The following SLC38A11 variants were observed in gnomAD, a reference collection of about 807,000 sequenced individuals.
The protein encoded by SLC38A11 is putative sodium-coupled neutral amino acid transporter 11.
In SLC38A11, 51 loss-of-function variants were observed where a neutral mutation model predicts 49.4. That is an observed-to-expected ratio of 1.03 (90% CI 0.83 to 1.30). SLC38A11 has a LOEUF of 1.30. SLC38A11 is among the 50% of genes most tolerant of loss of function. The pLI is 0.00. For synonymous variants in SLC38A11, 203 were observed against 192.9 expected (o/e 1.05, Z -0.43); for missense variants, 574 against 556.2 (o/e 1.03, Z -0.32).
intron 10 of SLC38A11, 100 bp from the exon 11 acceptor site, chr2:164,908,871 A>G (rs1685207749): frequency 7.7e-7 from 1 of 1,295,462 alleles, no homozygotes; most frequent in Admixed American, 2.6e-5. Context: ...ATAAAATACT[A>G]CCAACAAGGC....
At chr2:164,953,160 G>A (rs960433064) in intron 2 of SLC38A11, 1 of 200,306 alleles carries the variant, frequency 5.0e-6, no homozygotes, top group East Asian at 1.7e-4. Context: ...CAAGAAAGCA[G>A]AGAGGATAAT....
At chr2:164,902,028 T>G (rs1684685133) in intron 11 of SLC38A11, among the ~76,000 whole-genome samples, 2 of 142,160 alleles carry the variant, frequency 1.4e-5, no homozygotes, top group Non-Finnish European at 3.1e-5. Context: ...TTTTGTTTTC[T>G]CTCTCTTTTT....
intron 7 of SLC38A11, among the ~76,000 whole-genome samples, chr2:164,928,398 A>T (rs1183158732): frequency 1.3e-5 from 2 of 152,186 alleles, no homozygotes; most frequent in Non-Finnish European, 2.9e-5. Context: ...GTTAATCCCC[A>T]AGTTGAATGG....
intron 3 of SLC38A11, among the ~76,000 whole-genome samples, chr2:164,951,360 A>AT (rs1216343596): frequency 1.1e-4 from 16 of 150,828 alleles, no homozygotes; most frequent in African/African-American, 1.9e-4. Context: ...CCTTGAATGA[A>AT]ATTTTTTTTT....
chr2:164,953,084 G>C (rs764647982), intron 2 of SLC38A11: 172 of 303,328 alleles, frequency 5.7e-4, no homozygotes, highest in Non-Finnish European at 9.1e-4. Context: ...TTACTTCAGG[G>C]TAAGAGTGAC....
intron 7 of SLC38A11, among the ~76,000 whole-genome samples, chr2:164,925,725 C>T (rs1335841069): frequency 2.0e-5 from 3 of 152,148 alleles, no homozygotes; most frequent in Non-Finnish European, 4.4e-5. Context: ...GAGGTTATCT[C>T]TTATGTGATC....
intron 6 of SLC38A11, 149 bp downstream of exon 6, chr2:164,939,301 G>T: frequency 2.2e-6 from 1 of 452,696 alleles, no homozygotes; most frequent in Non-Finnish European, 4.0e-6. Context: ...ACAAACTAAT[G>T]ATTCAAACAC....
intron 11 of SLC38A11, among the ~76,000 whole-genome samples, chr2:164,905,732 C>T (rs1489511354): frequency 6.6e-6 from 1 of 152,062 alleles, no homozygotes; most frequent in Admixed American, 6.6e-5. Context: ...TAGGTCATAA[C>T]AGACAATTTA....
At position 164,902,033 on chromosome 2, in the gene SLC38A11, C is replaced by CTTT. The variant is rs60476941; in HGVS notation, c.1096-3306_1096-3304dup. Among the ~76,000 whole-genome samples, 51 of 133,284 alleles carry CTTT rather than the reference C, an allele frequency of 3.8e-4. 1 individual carries two copies. Among genetic ancestry groups the CTTT allele is most frequent in the Non-Finnish European group, 6.1e-4 (38 of 62,730 alleles). 87.4% of individuals were successfully genotyped at this position (133,284 alleles called of 152,430 possible). A position where few individuals can be genotyped will look rare whatever the true frequency, so the allele number is the denominator to read the frequency against. On this transcript the variant is annotated intron_variant, in intron 11 of 11. Coordinates refer to ENST00000685975, the MANE Select transcript of SLC38A11 (RefSeq NM_001351537.2). ...ATCATGTGTTTTTTGTTTTCTCTCT[C>CTTT]TTTTTTTTTTTTTTTTTGGAGACAG...
chr2:164,936,545 A>G lies in SLC38A11; in HGVS notation c.617+805T>C, dbSNP rs1687385492. On this transcript the variant is annotated intron_variant, in intron 7 of 11. Coordinates refer to ENST00000685975, the MANE Select transcript of SLC38A11 (RefSeq NM_001351537.2). ...ATTTTTCTTTGCCTCTTTAGAGAAA[A>G]CATTTAAGGTATCCTGGAAACTCTT... Among the ~76,000 whole-genome samples the G allele has an allele frequency of 2.0e-5, 3 of 152,286 alleles. No individual in the cohort carries two copies. The South Asian group carries it at 6.2e-4, about 32-fold the overall frequency.
intron 9 of SLC38A11, among the ~76,000 whole-genome samples, chr2:164,913,769 A>C (rs969856410): frequency 6.6e-6 from 1 of 152,128 alleles, no homozygotes; most frequent in African/African-American, 2.4e-5. Context: ...AGTGATACAT[A>C]GAAATGCTTT....
At chr2:164,925,248 A>C (rs1024271498) in intron 7 of SLC38A11, among the ~76,000 whole-genome samples, 1 of 152,164 alleles carries the variant, frequency 6.6e-6, no homozygotes, top group Non-Finnish European at 1.5e-5. Context: ...GTTTGGATTA[A>C]AAGGGCAGAG....
intron 7 of SLC38A11, among the ~76,000 whole-genome samples, chr2:164,923,727 G>T (rs1686370204): frequency 6.6e-6 from 1 of 151,752 alleles, no homozygotes; most frequent in African/African-American, 2.4e-5. Flanking sequence ...AGCCTAGAAG[G>T]TCAAAGTTGC....
At chr2:164,937,117 C>G (rs992613789) in intron 7 of SLC38A11, among the ~76,000 whole-genome samples, 4 of 152,088 alleles carry the variant, frequency 2.6e-5, no homozygotes, top group East Asian at 1.9e-4. Flanking sequence ...TACTCTAATT[C>G]TTTGGGACAT....
intron 4 of SLC38A11, 42 bp from the exon 5 acceptor site, chr2:164,944,676 C>A: frequency 1.3e-6 from 1 of 765,600 alleles, no homozygotes; most frequent in South Asian, 4.8e-5. Context: ...TAAGCCATCT[C>A]ATATTTCATC....
chr2:164,948,485 C>T (rs1311777429), intron 3 of SLC38A11, among the ~76,000 whole-genome samples: 1 of 152,166 alleles, frequency 6.6e-6, no homozygotes, highest in Non-Finnish European at 1.5e-5. Context: ...GTAAATAGAT[C>T]TCTACAGAAG....
chr2:164,935,721 T>C (rs1050038555), intron 7 of SLC38A11, among the ~76,000 whole-genome samples: 2 of 151,750 alleles, frequency 1.3e-5, no homozygotes, highest in Non-Finnish European at 2.9e-5. Flanking sequence ...AAAACACTAA[T>C]GCTATGAATT....
intron 7 of SLC38A11, among the ~76,000 whole-genome samples, chr2:164,933,027 A>AGGGTTTGAAT (rs1244447803): frequency 2.6e-5 from 4 of 152,014 alleles, no homozygotes; most frequent in African/African-American, 7.2e-5. Context: ...TGCAGAATTC[A>AGGGTTTGAAT]GGGTTTGAAT....
chr2:164,942,843 C>A (rs1407657934), intron 5 of SLC38A11, among the ~76,000 whole-genome samples: 1 of 152,182 alleles, frequency 6.6e-6, no homozygotes, highest in Non-Finnish European at 1.5e-5. Context: ...CTTCACACAA[C>A]TATTCTATGA....
Sources: gnomAD v4.1 joint callset for allele counts (sites outside exome capture counted in the v4.1 genomes callset) on GRCh38, gnomAD v4.1.1 for gene constraint, MANE v1.5 for transcripts, NCBI Gene and HGNC (gene_info 2026-07-23, HGNC 2026-07-21) for gene names.